Variants in BFSP1 observed in about 807,000 individuals in gnomAD.
BFSP1 encodes the protein beaded filament structural protein 1.
BFSP1 carries 38 observed loss-of-function variants against 43.9 expected under a neutral mutation model. The observed-to-expected ratio is 0.87, with a 90% CI of 0.67 to 1.14. The LOEUF is 1.14. Ranked by LOEUF, BFSP1 falls within the 50% of genes most tolerant of loss-of-function variation. The pLI is 0.00. For synonymous variants in BFSP1, 352 were observed against 354.8 expected, an observed-to-expected ratio of 0.99 and a Z score of 0.09; for missense variants, 850 against 875.1, an observed-to-expected ratio of 0.97 and a Z score of 0.36.
intron 5 of BFSP1, 96 bp downstream of exon 5, chr20:17,508,793 G>A (rs2034003794): frequency 2.7e-5 from 31 of 1,165,296 alleles, no homozygotes; most frequent in South Asian, 2.6e-4. Context: ...TGTTCAGCGT[G>A]TGACAGCTCC....
At chr20:17,495,619 C>T (rs1428326211) in intron 7 of BFSP1, among the ~76,000 whole-genome samples, 1 of 152,150 alleles carries the variant, frequency 6.6e-6, no homozygotes, top group African/African-American at 2.4e-5. Flanking sequence ...CCCCTTCCTC[C>T]CAGGCCAAGA....
At position 17,511,875 on chromosome 20, in the gene BFSP1, G is replaced by T. The variant is rs916911790; in HGVS notation, c.627+101C>A. 4.5e-5 allele frequency: 44 copies of T among 975,908 alleles called. No homozygotes were observed. The South Asian group carries it at 4.7e-4, about 10-fold the overall frequency. The allele number at this position is 975,908 out of a possible 1,614,324, so 60.5% of individuals were successfully genotyped here. A position where few individuals can be genotyped will look rare whatever the true frequency, so the allele number is the denominator to read the frequency against. On this transcript the variant is annotated intron_variant, in intron 4 of 7. Transcript: ENST00000377873. ...AAGGCAGGAGTGGGGAGTGGACCCT[G>T]GTGGCCGCCCTCACAGTCCAACCTG... is the stretch of plus-strand genomic sequence containing the variant.
intron 1 of BFSP1, among the ~76,000 whole-genome samples, chr20:17,530,382 C>G (rs1387779327): frequency 6.6e-6 from 1 of 152,240 alleles, no homozygotes; most frequent in African/African-American, 2.4e-5. Context: ...AAAACAGGTG[C>G]AGTAAAGATA....
At position 17,530,987 on chromosome 20, in the gene BFSP1, C is replaced by G; in HGVS notation, c.343G>C (p.Glu115Gln). The G allele has an allele frequency of 6.9e-7, 1 of 1,439,578 alleles. No individual in the cohort carries two copies. The highest frequency in any genetic ancestry group is 1.5e-5 in the African/African-American group (1 of 67,556). The allele number at this position is 1,439,578 out of a possible 1,614,324, so 89.2% of individuals were successfully genotyped here. ...ERARLERQGT[E>Q]AQRALDEFRS... is the part of the protein sequence containing the mutation. ...AACTCGTCGAGCGCGCGCTGCGCCT[C>G]GGTGCCCTGGCGCTCCAGCCGGGCG... The change falls in exon 1 of 8, where the codon GAG becomes CAG. Residue 115 changes from glutamate to glutamine, a missense_variant. Physicochemically the swap from Glu to Gln is conservative, Grantham distance 29. Transcript: ENST00000377873.
chr20:17,537,286 C>T (rs2034642341), intron 1 of BFSP1, among the ~76,000 whole-genome samples: 1 of 152,206 alleles, frequency 6.6e-6, no homozygotes, highest in Non-Finnish European at 1.5e-5. Flanking sequence ...CGGATCCCTA[C>T]TATCCCTGCT....
upstream of BFSP1, among the ~76,000 whole-genome samples, chr20:17,535,229 A>G (rs193077270): frequency 2.6e-5 from 4 of 152,270 alleles, no homozygotes; most frequent in Admixed American, 1.3e-4. Flanking sequence ...TATTCTTAGA[A>G]AATACACTCT....
At chr20:17,553,597 G>A (rs1177787607) in intron 1 of BFSP1, among the ~76,000 whole-genome samples, 1 of 151,632 alleles carries the variant, frequency 6.6e-6, no homozygotes, top group Non-Finnish European at 1.5e-5. Flanking sequence ...TGTGTCAGTT[G>A]CTGATAAGTG....
intron 2 of BFSP1, among the ~76,000 whole-genome samples, chr20:17,523,264 GA>G (rs2034353453): frequency 1.3e-5 from 2 of 152,116 alleles, no homozygotes; most frequent in African/African-American, 4.8e-5. Flanking sequence ...GGTAAAAGAG[GA>G]ACCCCATTCT....
intron 1 of BFSP1, among the ~76,000 whole-genome samples, chr20:17,526,419 C>T (rs2034425839): frequency 1.3e-5 from 2 of 152,124 alleles, no homozygotes; most frequent in South Asian, 4.1e-4. Flanking sequence ...TGGAATCATA[C>T]AATATTTTTC....
intron 2 of BFSP1, chr20:17,517,331 C>T (rs550634417): frequency 1.9e-6 from 2 of 1,061,626 alleles, no homozygotes; most frequent in African/African-American, 3.1e-5. Flanking sequence ...TAATAAAAGA[C>T]ATGAACTAAC....
chr20:17,504,714 C>T (rs1201685823), intron 5 of BFSP1, among the ~76,000 whole-genome samples: 1 of 152,184 alleles, frequency 6.6e-6, no homozygotes, highest in African/African-American at 2.4e-5. Context: ...CATGTGGCAA[C>T]CTGAACTTTA....
chr20:17,556,361 G>A (rs1181565721), intron 1 of BFSP1, among the ~76,000 whole-genome samples: 1 of 152,084 alleles, frequency 6.6e-6, no homozygotes, highest in Non-Finnish European at 1.5e-5. Flanking sequence ...AGCTGGGCAT[G>A]GTGGTGTGTG....
chr20:17,517,599 A>G (rs2034228607), intron 2 of BFSP1, among the ~76,000 whole-genome samples: 1 of 152,198 alleles, frequency 6.6e-6, no homozygotes, highest in South Asian at 2.1e-4. Context: ...TAAACTTTCT[A>G]GAAGTAGCCA....
At chr20:17,512,185 A>G in intron 3 of BFSP1, 117 bp from the exon 4 acceptor site, 1 of 762,002 alleles carries the variant, frequency 1.3e-6, no homozygotes, top group South Asian at 1.8e-5. Context: ...CAGACAGGAC[A>G]GACCATGACC....
At chr20:17,512,162 C>A in intron 3 of BFSP1, 94 bp from the exon 4 acceptor site, 1 of 954,646 alleles carries the variant, frequency 1.0e-6, no homozygotes, top group Non-Finnish European at 1.6e-6. Context: ...CACTTCCGCA[C>A]GCTCCCTCAT....
chr20:17,498,813 C>T lies in BFSP1; in HGVS notation c.956+7G>A, dbSNP rs202146533. The T allele has an allele frequency of 5.3e-5, 85 of 1,611,274 alleles. No homozygotes were observed. The highest frequency in any genetic ancestry group is 3.0e-4 in the Admixed American group (18 of 59,876). On this transcript the variant is annotated splice_region_variant and intron_variant, in intron 6 of 7. Transcript: ENST00000377873. ...AAGTGGCCTGGATGGGGAGGGCACACGCTCACCTGTTGCCTTCAATCTCGA... is the reference window on the plus strand; with the variant it reads ...AAGTGGCCTGGATGGGGAGGGCACATGCTCACCTGTTGCCTTCAATCTCGA...
Position 17,518,625 on chromosome 20 carries a change from A to G in BFSP1, c.439-3809T>C, listed in dbSNP as rs941280489. Among the ~76,000 whole-genome samples the G allele has an allele frequency of 3.2e-4, 49 of 152,202 alleles. 1 individual carries two copies. The highest frequency in any genetic ancestry group is 2.8e-3 in the Admixed American group (43 of 15,284). ...TTTCACAAGCCTGGGAAGCCCTTTC[A>G]TAAGAGAAATGGTGGAAAGGGAAGC... On this transcript the variant is annotated intron_variant, in intron 2 of 7. Coordinates refer to ENST00000377873, the MANE Select transcript of BFSP1 (RefSeq NM_001195.5).
At chr20:17,505,510 C>G (rs916704232) in intron 5 of BFSP1, among the ~76,000 whole-genome samples, 5 of 152,372 alleles carry the variant, frequency 3.3e-5, no homozygotes, top group Middle Eastern at 3.4e-3. Flanking sequence ...AGCAGACGCT[C>G]TCTCTCGGCC....
chr20:17,550,825 A>G (rs1303966762), intron 1 of BFSP1, among the ~76,000 whole-genome samples: 2 of 152,232 alleles, frequency 1.3e-5, no homozygotes, highest in African/African-American at 4.8e-5. Context: ...GGACATCTGG[A>G]CATTTTTTTC....
Sources: allele counts gnomAD v4.1 joint callset (sites outside exome capture counted in the v4.1 genomes callset), GRCh38; gene constraint gnomAD v4.1.1; transcripts MANE v1.5; gene names NCBI Gene and HGNC (gene_info 2026-07-23, HGNC 2026-07-21).